ZNF721: variants seen among roughly 807,000 people sequenced by gnomAD.
ZNF721 encodes the protein zinc finger protein 721.
A neutral mutation model predicts 2.4 loss-of-function variants in ZNF721; 2 were observed. The observed-to-expected ratio is 0.82, with a 90% CI of 0.34 to 2.58. ZNF721 has a LOEUF of 2.58. Ranked by LOEUF, ZNF721 falls within the 30% of genes most tolerant of loss-of-function variation. The pLI is 0.11. For synonymous variants in ZNF721, 398 were observed against 381.8 expected (o/e 1.04, Z -0.50); for missense variants, 1,187 against 1,085.5 (o/e 1.09, Z -1.31).
chr4:467,382 GAC>G (rs1715287068), intron 2 of ZNF721, among the ~76,000 whole-genome samples: 1 of 152,140 alleles, frequency 6.6e-6, no homozygotes, highest in Non-Finnish European at 1.5e-5. Context: ...TATTTAATAA[GAC>G]ACTAACAAAG....
chr4:492,562 G>C (rs1716049716), intron 1 of ZNF721, among the ~76,000 whole-genome samples: 1 of 150,042 alleles, frequency 6.7e-6, no homozygotes, highest in East Asian at 1.9e-4. Flanking sequence ...TCTCTAGAAA[G>C]AGCATTATAA....
intron 1 of ZNF721, among the ~76,000 whole-genome samples, chr4:482,506 GT>G (rs1399830674): frequency 6.7e-6 from 1 of 149,420 alleles, no homozygotes; most frequent in Admixed American, 6.7e-5. Context: ...TTCTGTTTTT[GT>G]TTTTTTTGAG....
Position 444,276 on chromosome 4 carries a change from C to G in ZNF721, c.191G>C (p.Gly64Ala). ...GCATTTATTAATTCCATTATAAACT[C>G]CCTTCTGCACTTTACACACGTTCAT... is the stretch of plus-strand genomic sequence containing the variant. ...KSMNVCKVQK[G>A]VYNGINKCLS... Residue 64 changes from glycine (G) to alanine (A), a missense_variant, in exon 3 of 3, where the codon GGA becomes GCA. Physicochemically the swap from Gly to Ala is moderately conservative, Grantham distance 60 (BLOSUM62 0). Transcript: ENST00000511833. The G allele has an allele frequency of 1.9e-6, 3 of 1,613,944 alleles. No homozygotes were observed. Among genetic ancestry groups the G allele is most frequent in the Non-Finnish European group, 2.5e-6 (3 of 1,179,934 alleles).
intron 2 of ZNF721, among the ~76,000 whole-genome samples, chr4:457,654 C>T (rs1714887276): frequency 6.6e-6 from 1 of 152,152 alleles, no homozygotes; most frequent in South Asian, 2.1e-4. Context: ...TGCCCAGACA[C>T]CCACAGAGAG....
chr4:495,733 A>G (rs1716135801), intron 1 of ZNF721, among the ~76,000 whole-genome samples: 1 of 151,574 alleles, frequency 6.6e-6, no homozygotes, highest in Non-Finnish European at 1.5e-5. Context: ...CCCCCAAGTA[A>G]CTGGGATTAC....
Position 442,051 on chromosome 4 carries a change from C to CA in ZNF721, c.2415dup (p.Glu806Ter), listed in dbSNP as rs1553863222. The CA allele has an allele frequency of 6.2e-7, 1 of 1,613,920 alleles. No homozygotes were observed. Among genetic ancestry groups the CA allele is most frequent in the East Asian group, 2.2e-5 (1 of 44,864 alleles). On this transcript the variant is annotated frameshift_variant, in exon 3 of 3. Coordinates refer to ENST00000511833, the MANE Select transcript of ZNF721 (RefSeq NM_133474.4). LOFTEE classifies it low-confidence loss of function (END_TRUNC). ...CATTCTAAACATTTAAAGGGTTTCT[C>CA]ACCTGTATGAATCCTCTTATGTTTA... is the stretch of plus-strand genomic sequence containing the variant.
chr4:484,678 T>C (rs570898996), intron 1 of ZNF721, among the ~76,000 whole-genome samples: 2 of 152,314 alleles, frequency 1.3e-5, no homozygotes, highest in Non-Finnish European at 2.9e-5. Context: ...AATTCCCACC[T>C]AATAAATTTT....
At chr4:492,295 A>C (rs1716044268) in intron 1 of ZNF721, among the ~76,000 whole-genome samples, 1 of 152,212 alleles carries the variant, frequency 6.6e-6, no homozygotes, top group Non-Finnish European at 1.5e-5. Flanking sequence ...AGTTACCAAA[A>C]GGCAAAAGAA....
At chr4:497,514 T>A (rs1716222476) in intron 1 of ZNF721, among the ~76,000 whole-genome samples, 2 of 152,160 alleles carry the variant, frequency 1.3e-5, no homozygotes, top group African/African-American at 4.8e-5. Flanking sequence ...CCGGAGATCC[T>A]GACGACGTGG....
Position 440,287 on chromosome 4 carries a change from G to A in ZNF721, c.*1408C>T, listed in dbSNP as rs1714187407. On this transcript the variant is annotated 3_prime_UTR_variant, in exon 3 of 3. Coordinates refer to ENST00000511833, the MANE Select transcript of ZNF721 (RefSeq NM_133474.4). Reference sequence around the variant, plus strand: ...ATGAATAATGCCCACCTAATGCAAAGGAGTTTCTCATATCTCTGACGCAGC... The same window carrying A: ...ATGAATAATGCCCACCTAATGCAAAAGAGTTTCTCATATCTCTGACGCAGC... The A allele has an allele frequency of 6.6e-6, 1 of 152,100 alleles. No homozygotes were observed. The highest frequency in any genetic ancestry group is 6.6e-5 in the Admixed American group (1 of 15,266). 9.4% of individuals were successfully genotyped at this position (152,100 alleles called of 1,614,324 possible). A position where few individuals can be genotyped will look rare whatever the true frequency, so the allele number is the denominator to read the frequency against.
At chr4:492,355 G>A (rs1553871603) in intron 1 of ZNF721, among the ~76,000 whole-genome samples, 2 of 151,976 alleles carry the variant, frequency 1.3e-5, no homozygotes. Context: ...AAACATTCCC[G>A]TTAGACCTCT....
chr4:446,733 T>TG (rs1208853343), intron 2 of ZNF721, among the ~76,000 whole-genome samples: 1 of 151,058 alleles, frequency 6.6e-6, no homozygotes, highest in East Asian at 2.0e-4. Context: ...CTCACTCTGT[T>TG]GCCAGGCTGG....
intron 1 of ZNF721, among the ~76,000 whole-genome samples, chr4:495,455 C>CTTTT (rs35860173): frequency 7.1e-6 from 1 of 140,410 alleles, no homozygotes; most frequent in African/African-American, 2.6e-5. Flanking sequence ...TTAAAATTGA[C>CTTTT]TTTTTTTTTT....
chr4:480,731 G>C (rs1245917281), intron 1 of ZNF721, among the ~76,000 whole-genome samples: 1 of 150,348 alleles, frequency 6.7e-6, no homozygotes, highest in Admixed American at 6.6e-5. Flanking sequence ...ATTTGCTTTC[G>C]GAAGGTAGAG....
At chr4:462,507 A>C (rs1715100204) in intron 2 of ZNF721, among the ~76,000 whole-genome samples, 2 of 152,244 alleles carry the variant, frequency 1.3e-5, no homozygotes, top group South Asian at 4.1e-4. Flanking sequence ...AAACTATACT[A>C]CAAGGCTACA....
At chr4:460,275 G>A (rs781237142) in intron 2 of ZNF721, among the ~76,000 whole-genome samples, 18 of 152,146 alleles carry the variant, frequency 1.2e-4, no homozygotes, top group Non-Finnish European at 2.4e-4. Flanking sequence ...TAGGACTCAG[G>A]ATTAAGAAAC....
In ZNF721 at chr4:443,161, T is replaced by C. The variant is rs782573602; in HGVS notation, c.1306A>G (p.Lys436Glu). 37 of 1,613,730 alleles carry C rather than the reference T, an allele frequency of 2.3e-5. No individual in the cohort carries two copies. The highest frequency in any genetic ancestry group is 3.1e-5 in the Non-Finnish European group (36 of 1,179,848). Residue 436 changes from lysine (K) to glutamate (E), a missense_variant, in exon 3 of 3, where the codon AAG (lysine) becomes GAG (glutamate). By Grantham distance (56) the Lys-to-Glu change is moderately conservative (BLOSUM62 1). Coordinates refer to ENST00000511833, the MANE Select transcript of ZNF721 (RefSeq NM_133474.4). ...FGLSTNLNEY[K>E]KIHTGDKPYK... ...GGTTTATCTCCAGTATGAATTTTCTTATATTCATTCAGGTTTGTGGACAAT... is the reference window on the plus strand; with the variant it reads ...GGTTTATCTCCAGTATGAATTTTCTCATATTCATTCAGGTTTGTGGACAAT...
intron 1 of ZNF721, among the ~76,000 whole-genome samples, chr4:483,603 G>C (rs1553869841): frequency 6.6e-6 from 1 of 151,996 alleles, no homozygotes; most frequent in African/African-American, 2.4e-5. Flanking sequence ...TACATTTGGG[G>C]AGGAGGAAAA....
In ZNF721 at chr4:440,229, C is replaced by CT. The variant is rs1714185429; in HGVS notation, c.*1465dup. 1 of 152,166 alleles carries CT rather than the reference C, an allele frequency of 6.6e-6. No homozygotes were observed. Among genetic ancestry groups the CT allele is most frequent in the South Asian group, 2.1e-4 (1 of 4,832 alleles). The allele number at this position is 152,166 out of a possible 1,614,324, so 9.4% of individuals were successfully genotyped here. ...CTCTGCTCAGATTTTCCTGGTGCAT[C>CT]TTTTATTTCTCTTCTCTTTCATGTA... On this transcript the variant is annotated 3_prime_UTR_variant, in exon 3 of 3. Transcript: ENST00000511833.
Sources: allele counts gnomAD v4.1 joint callset (sites outside exome capture counted in the v4.1 genomes callset), GRCh38; gene constraint gnomAD v4.1.1; transcripts MANE v1.5; gene names NCBI Gene and HGNC (gene_info 2026-07-23, HGNC 2026-07-21).